Variants in SMARCC2 observed in about 807,000 individuals in gnomAD.
SMARCC2 encodes SWI/SNF complex subunit SMARCC2.
A neutral mutation model predicts 151.3 loss-of-function variants in SMARCC2; 15 were observed. That is an observed-to-expected ratio of 0.10 (90% CI 0.07 to 0.15). SMARCC2 has a LOEUF of 0.15. SMARCC2 is among the 10% of genes least tolerant of loss of function. The pLI, the probability that SMARCC2 is intolerant of heterozygous loss-of-function variation, is 1.00. For missense variants in SMARCC2, 1,031 were observed against 1,599.7 expected (o/e 0.64, Z 6.06); for synonymous variants, 590 against 609.5 (o/e 0.97, Z 0.47).
At chr12:56,166,127 T>C (rs976222503) in intron 26 of SMARCC2, among the ~76,000 whole-genome samples, 1 of 152,192 alleles carries the variant, frequency 6.6e-6, no homozygotes, top group African/African-American at 2.4e-5. Context: ...TCTCAGGACT[T>C]AGAAACTTGA....
chr12:56,165,196 GCCCATCTGT>G, intron 27 of SMARCC2, 113 bp downstream of exon 27: 1 of 1,242,678 alleles, frequency 8.0e-7, no homozygotes, highest in South Asian at 2.2e-5. Context: ...AGAGAGATGG[GCCCATCTGT>G]AGAAATTGAG....
At chr12:56,187,154 A>ACCC in intron 2 of SMARCC2, 33 bp downstream of exon 2, 2 of 1,580,898 alleles carry the variant, frequency 1.3e-6, no homozygotes, top group Non-Finnish European at 1.7e-6. Flanking sequence ...CACCACCACC[A>ACCC]CCCCCCACCC....
intron 5 of SMARCC2, 148 bp downstream of exon 5, chr12:56,184,696 C>G: frequency 1.6e-6 from 1 of 615,238 alleles, no homozygotes; most frequent in Non-Finnish European, 2.9e-6. Flanking sequence ...AAAAGACAGA[C>G]TCAAGGCTTT....
chr12:56,180,755 C>T (rs986237251), intron 11 of SMARCC2, among the ~76,000 whole-genome samples: 1 of 152,152 alleles, frequency 6.6e-6, no homozygotes, highest in Non-Finnish European at 1.5e-5. Context: ...AGTTTGGAGA[C>T]AACTACTATC....
At chr12:56,179,274 T>C (rs879649974) in intron 11 of SMARCC2, among the ~76,000 whole-genome samples, 1 of 152,242 alleles carries the variant, frequency 6.6e-6, no homozygotes, top group Non-Finnish European at 1.5e-5. Flanking sequence ...TCTATGTACA[T>C]TCATAAATGA....
chr12:56,172,208 G>A (rs1006616924), intron 20 of SMARCC2: 24 of 549,798 alleles, frequency 4.4e-5, no homozygotes, highest in Non-Finnish European at 3.2e-6. Flanking sequence ...AGCCTCCTGA[G>A]TAGCTGGGAC....
chr12:56,188,722 G>A (rs1187735500), intron 1 of SMARCC2, among the ~76,000 whole-genome samples: 3 of 152,212 alleles, frequency 2.0e-5, no homozygotes, highest in African/African-American at 7.2e-5. Flanking sequence ...AAAGGTTTCG[G>A]AAGGGGCCGC....
At chr12:56,189,280 C>T (rs1278575161) in intron 1 of SMARCC2, 71 bp downstream of exon 1, 6 of 961,632 alleles carry the variant, frequency 6.2e-6, no homozygotes, top group Non-Finnish European at 8.9e-6. Flanking sequence ...TAGGCAGGAT[C>T]CCGGGGCTGC....
At chr12:56,170,340 G>C in intron 22 of SMARCC2, 132 bp from the exon 23 acceptor site, 1 of 756,976 alleles carries the variant, frequency 1.3e-6, no homozygotes, top group Non-Finnish European at 2.2e-6. Flanking sequence ...CTGGGCCCAC[G>C]CAATCCTCCC....
chr12:56,164,422 G>A lies in SMARCC2; in HGVS notation c.3542C>T (p.Thr1181Ile). ...ANPLHPNLPA[T>I]TTMPSSLPLG... ...AGGCAAGGAAGATGGCATGGTGGTGGTCGCCGGCAGGTTAGGATGTAGAGG... is the reference window on the plus strand; with the variant it reads ...AGGCAAGGAAGATGGCATGGTGGTGATCGCCGGCAGGTTAGGATGTAGAGG... Residue 1181 changes from threonine to isoleucine, a missense_variant, in exon 28 of 29, where the codon ACC becomes ATC. Coordinates refer to ENST00000550164, the MANE Select transcript of SMARCC2 (RefSeq NM_001330288.2). 6.2e-7 allele frequency: 1 copy of A among 1,614,064 alleles called. No individual in the cohort carries two copies. The highest frequency in any genetic ancestry group is 1.3e-5 in the African/African-American group (1 of 75,070).
At chr12:56,168,327 G>T (rs1565896707) in intron 25 of SMARCC2, 133 bp from the exon 26 acceptor site, 1 of 965,642 alleles carries the variant, frequency 1.0e-6, no homozygotes. Context: ...GAAAGGGCTT[G>T]ACTTTTTTGT....
chr12:56,172,959 G>A lies in SMARCC2; in HGVS notation c.1721C>T (p.Thr574Met), dbSNP rs900897974. ...TACCAGCTCTGGCTTGCCCTTAGCC[G>A]TCTCTGGCACCAGGTCATCCAGCTC... The part of the protein sequence containing the change: ...GKELDDLVPE[T>M]AKGKPELQTS... Residue 574 changes from threonine to methionine, a missense_variant, in exon 18 of 29, where the codon ACG becomes ATG. Around this residue, in one of 12 missense-constraint regions of SMARCC2, gnomAD observed 99 missense variants for 148.3 expected, o/e 0.67. Coordinates refer to ENST00000550164, the MANE Select transcript of SMARCC2 (RefSeq NM_001330288.2). 11 of 1,613,778 alleles carry A rather than the reference G, an allele frequency of 6.8e-6. No individual in the cohort carries two copies. The highest frequency in any genetic ancestry group is 5.0e-5 in the Admixed American group (3 of 60,028).
chr12:56,186,105 G>A lies in SMARCC2; in HGVS notation c.317+50C>T, dbSNP rs139548926. The stretch of plus-strand genomic sequence containing the variant: ...AGAAAGATCCCAGGGAATCAAAAAG[G>A]GGGATTTCCTCTAAACTAAATATAA... On this transcript the variant is annotated intron_variant, in intron 3 of 28. Transcript: ENST00000550164. 207 of 1,271,136 alleles carry A rather than the reference G, an allele frequency of 1.6e-4. No individual in the cohort carries two copies. In the African/African-American group the frequency reaches 2.7e-3, roughly 16 times the overall value. 78.7% of individuals were successfully genotyped at this position (1,271,136 alleles called of 1,614,324 possible).
intron 18 of SMARCC2, 60 bp from the exon 19 acceptor site, chr12:56,172,764 C>G: frequency 6.2e-7 from 1 of 1,606,872 alleles, no homozygotes; most frequent in African/African-American, 1.3e-5. Context: ...CAGGGGCTGA[C>G]AGAGAGAAAA....
At chr12:56,174,820 G>A (rs1874622812) in intron 15 of SMARCC2, 56 bp from the exon 16 acceptor site, 11 of 1,167,192 alleles carry the variant, frequency 9.4e-6, no homozygotes, top group Admixed American at 1.8e-5. Context: ...TTGTTAAAGG[G>A]CTAAAGGAAA....
At chr12:56,168,315 G>GCTT in intron 25 of SMARCC2, 121 bp from the exon 26 acceptor site, 1 of 1,108,086 alleles carries the variant, frequency 9.0e-7, no homozygotes, top group Non-Finnish European at 1.3e-6. Flanking sequence ...ACAACCCATG[G>GCTT]TGAAAGGGCT....
At position 56,189,450 on chromosome 12, in the gene SMARCC2, C is replaced by T; in HGVS notation, c.12G>A (p.Arg4=). 3.3e-6 allele frequency: 5 copies of T among 1,497,040 alleles called. No homozygotes were observed. Among genetic ancestry groups the T allele is most frequent in the Non-Finnish European group, 4.5e-6 (5 of 1,113,574 alleles). 92.7% of individuals were successfully genotyped at this position (1,497,040 alleles called of 1,614,324 possible). A position where few individuals can be genotyped will look rare whatever the true frequency, so the allele number is the denominator to read the frequency against. Residue 4 remains arginine, a synonymous_variant, in exon 1 of 29, where the codon CGG becomes CGA. Coordinates refer to ENST00000550164, the MANE Select transcript of SMARCC2 (RefSeq NM_001330288.2). ...TCACGTTGGGGCCGCCGTCCTTCTT[C>T]CGCACCGCCATCTTCTCCGGCTCGG... MAV[R]KKDGGPNVKY...
intron 15 of SMARCC2, among the ~76,000 whole-genome samples, 176 bp from the exon 16 acceptor site, chr12:56,174,940 A>T (rs2135701877): frequency 6.6e-6 from 1 of 152,304 alleles, no homozygotes; most frequent in East Asian, 1.9e-4. Flanking sequence ...AGGGTTTCAA[A>T]TATGTCTTAC....
intron 26 of SMARCC2, 77 bp from the exon 27 acceptor site, chr12:56,165,776 T>G (rs984193911): frequency 3.3e-5 from 47 of 1,432,904 alleles, no homozygotes; most frequent in Middle Eastern, 1.8e-4. Context: ...CTGCTTTGTC[T>G]TCTTCTGAAA....
Sources: allele counts gnomAD v4.1 joint callset (sites outside exome capture counted in the v4.1 genomes callset), GRCh38; gene constraint gnomAD v4.1.1; regional missense constraint gnomAD v4.1.1; transcripts MANE v1.5; gene names NCBI Gene and HGNC (gene_info 2026-07-23, HGNC 2026-07-21).